Variants in RYR2 observed in about 807,000 individuals in gnomAD.
RYR2 encodes ryanodine receptor 2, also known as cardiac muscle ryanodine receptor-calcium release channel.
A neutral mutation model predicts 601.1 loss-of-function variants in RYR2; 227 were observed. The observed-to-expected ratio is 0.38, with a 90% CI of 0.34 to 0.42. The LOEUF is 0.42. RYR2 is among the 10% of genes least tolerant of loss of function. The pLI is 1.00. For synonymous variants in RYR2, 2,223 were observed against 2,175.1 expected, an observed-to-expected ratio of 1.02 and a Z score of -0.61; for missense variants, 4,646 against 6,156.5, an observed-to-expected ratio of 0.75 and a Z score of 8.21.
At chr1:237,108,558 G>A (rs1669033819) in intron 1 of RYR2, among the ~76,000 whole-genome samples, 1 of 152,206 alleles carries the variant, frequency 6.6e-6, no homozygotes, top group Admixed American at 6.5e-5. Flanking sequence ...GAGCTGCGCT[G>A]AGCAGAGCTC....
intron 35 of RYR2, 87 bp downstream of exon 35, chr1:237,602,198 A>G (rs1676578846): frequency 2.3e-6 from 2 of 878,392 alleles, no homozygotes; most frequent in Non-Finnish European, 1.7e-6. Flanking sequence ...TCAGTATATT[A>G]GTACTGATAT....
At chr1:237,499,257 G>A (rs558399717) in intron 20 of RYR2, among the ~76,000 whole-genome samples, 67 of 151,980 alleles carry the variant, frequency 4.4e-4, no homozygotes, top group Admixed American at 1.6e-3. Flanking sequence ...TAAACTTTGC[G>A]GTGTTGCTAC....
chr1:237,467,683 T>G (rs749023541), intron 16 of RYR2, among the ~76,000 whole-genome samples: 6 of 152,298 alleles, frequency 3.9e-5, no homozygotes, highest in Non-Finnish European at 7.3e-5. Context: ...TCAGGTCAGA[T>G]AATAACTTTA....
intron 27 of RYR2, among the ~76,000 whole-genome samples, chr1:237,556,279 ATATTATTATTAT>A (rs57036969): frequency 7.9e-4 from 113 of 142,928 alleles, no homozygotes; most frequent in African/African-American, 2.0e-3. Flanking sequence ...ATTTTTTAAA[ATATTATTATTAT>A]TATTATTATT....
chr1:237,811,410 G>T (rs1001248201), intron 100 of RYR2, among the ~76,000 whole-genome samples: 3 of 152,094 alleles, frequency 2.0e-5, no homozygotes, highest in African/African-American at 7.2e-5. Flanking sequence ...ATATAGAATT[G>T]CCCATCCTTT....
At chr1:237,800,060 T>C (rs531764812) in intron 97 of RYR2, 1 of 152,288 alleles carries the variant, frequency 6.6e-6, no homozygotes, top group Non-Finnish European at 1.5e-5. Flanking sequence ...ACAAACAGCA[T>C]GGCTGCCACC....
At chr1:237,570,702 TTCCCTC>T (rs745600369) in intron 29 of RYR2, among the ~76,000 whole-genome samples, 20 of 152,156 alleles carry the variant, frequency 1.3e-4, no homozygotes, top group Non-Finnish European at 2.6e-4. Context: ...AAGGGCTCAA[TTCCCTC>T]AGGTGGTTAG....
intron 25 of RYR2, among the ~76,000 whole-genome samples, chr1:237,543,878 C>T (rs1247086151): frequency 1.3e-5 from 2 of 152,178 alleles, no homozygotes; most frequent in Non-Finnish European, 2.9e-5. Flanking sequence ...AAGCACAAAA[C>T]TGAGCTGCAA....
At chr1:237,451,795 T>G (rs1172495903) in intron 14 of RYR2, among the ~76,000 whole-genome samples, 2 of 152,136 alleles carry the variant, frequency 1.3e-5, no homozygotes, top group East Asian at 3.8e-4. Context: ...GTTATTTTTT[T>G]ACTATTAATT....
intron 1 of RYR2, among the ~76,000 whole-genome samples, chr1:237,072,793 A>C (rs181459543): frequency 3.9e-5 from 6 of 152,044 alleles, no homozygotes; most frequent in Admixed American, 3.9e-4. Context: ...CTAAAAGTAC[A>C]AAAAATTACC....
rs1375920742 is a variant in RYR2, at chr1:237,687,131, A to T, written c.9018-324A>T. 5.3e-5 allele frequency among the ~76,000 whole-genome samples: 8 copies of T among 152,210 alleles called. No homozygotes were observed. The South Asian group carries it at 1.7e-3, about 32-fold the overall frequency. ...TTCCTGGTGGTTTTTCAGTAGTTAT[A>T]TCCTTATGGGGTTCATATAGATTGC... On this transcript the variant is annotated intron_variant, in intron 62 of 104. Coordinates refer to ENST00000366574, the MANE Select transcript of RYR2 (RefSeq NM_001035.3).
chr1:237,709,116 T>G lies in RYR2; in HGVS notation c.10142+18T>G. ...TATAACAGGTATGATCAAAAGTAAT[T>G]TAGTAATTTCTCCAATTCGGTCATA... On this transcript the variant is annotated intron_variant, in intron 69 of 104. Transcript: ENST00000366574. 1 of 1,540,748 alleles carries G rather than the reference T, an allele frequency of 6.5e-7. No individual in the cohort carries two copies. Among genetic ancestry groups the G allele is most frequent in the Non-Finnish European group, 8.7e-7 (1 of 1,144,928 alleles).
At chr1:237,717,175 C>T in intron 71 of RYR2, 23 bp from the exon 72 acceptor site, 1 of 1,610,624 alleles carries the variant, frequency 6.2e-7, no homozygotes, top group Non-Finnish European at 8.5e-7. Flanking sequence ...GTTCAGATCC[C>T]AGCACTTCTC....
At chr1:237,087,556 G>A (rs1666482976) in intron 1 of RYR2, among the ~76,000 whole-genome samples, 1 of 152,154 alleles carries the variant, frequency 6.6e-6, no homozygotes, top group East Asian at 1.9e-4. Context: ...AATGCCAGAT[G>A]CACCAAGACA....
intron 2 of RYR2, among the ~76,000 whole-genome samples, chr1:237,323,309 A>C (rs1234182789): frequency 6.6e-6 from 1 of 152,124 alleles, no homozygotes; most frequent in Non-Finnish European, 1.5e-5. Flanking sequence ...TAGTATCTTG[A>C]GGCTCAATTC....
At chr1:237,812,170 G>C (rs1265621494) in intron 100 of RYR2, among the ~76,000 whole-genome samples, 1 of 152,092 alleles carries the variant, frequency 6.6e-6, no homozygotes. Context: ...TGAGTAACTT[G>C]TCATAAGTCA....
chr1:237,267,433 T>C (rs1468996148), intron 1 of RYR2, among the ~76,000 whole-genome samples: 1 of 152,040 alleles, frequency 6.6e-6, no homozygotes, highest in African/African-American at 2.4e-5. Context: ...AGCAGGAGAA[T>C]CACTTGAACC....
chr1:237,411,704 A>G (rs4659497), intron 10 of RYR2, among the ~76,000 whole-genome samples: 123,849 of 152,082 alleles, frequency 0.81, 51,086 homozygotes, highest in East Asian at 1. Flanking sequence ...AGAAAATGAG[A>G]CAGAGAGGTC....
intron 22 of RYR2, among the ~76,000 whole-genome samples, chr1:237,505,805 G>T (rs1037639300): frequency 6.6e-6 from 1 of 152,204 alleles, no homozygotes; most frequent in Non-Finnish European, 1.5e-5. Context: ...ACACAGAAGT[G>T]CTTAATCAAG....
Sources: gnomAD v4.1 joint callset for allele counts (sites outside exome capture counted in the v4.1 genomes callset) on GRCh38, gnomAD v4.1.1 for gene constraint, MANE v1.5 for transcripts, NCBI Gene and HGNC (gene_info 2026-07-23, HGNC 2026-07-21) for gene names.